Variants in TRHDE observed in about 807,000 individuals in gnomAD.
TRHDE encodes the protein thyrotropin-releasing hormone-degrading ectoenzyme.
Under a neutral mutation model 125.7 loss-of-function variants are expected in TRHDE, and 72 were observed. The ratio of observed to expected loss-of-function variants is 0.57; its 90% CI spans 0.47 to 0.70. TRHDE has a LOEUF of 0.70. Ranked by LOEUF, TRHDE falls within the 30% of genes least tolerant of loss-of-function variation. TRHDE has a pLI of 0.00. For missense variants in TRHDE, 1,110 were observed against 1,327.1 expected (o/e 0.84, Z 2.54); for synonymous variants, 509 against 509.1 (o/e 1.00, Z 0.00).
chr12:72,619,083 A>G (rs1592576161), intron 13 of TRHDE, 45 bp downstream of exon 13: 3 of 1,385,168 alleles, frequency 2.2e-6, no homozygotes, highest in South Asian at 1.6e-5. Flanking sequence ...AAGATACACT[A>G]TTTTATTCTC....
intron 15 of TRHDE, among the ~76,000 whole-genome samples, chr12:72,624,282 C>T (rs981078295): frequency 2.0e-5 from 3 of 151,796 alleles, no homozygotes; most frequent in African/African-American, 7.2e-5. Flanking sequence ...AGCAATAGAC[C>T]AGTAATCCTT....
rs1302553948 is a variant in TRHDE, at chr12:72,143,770, G to GTA, written n.279+38020_279+38021dup. 2.6e-5 allele frequency among the ~76,000 whole-genome samples: 4 copies of GTA among 152,022 alleles called. No individual in the cohort carries two copies. The East Asian group carries it at 7.7e-4, about 29-fold the overall frequency. On this transcript the variant is annotated intron_variant and non_coding_transcript_variant, in intron 2 of 4. Coordinates refer to the TRHDE transcript ENST00000548156. ...GATGGTAGTGATGGCTATGATGTGT[G>GTA]TATGTATAACTAGAGGGTTAGGGAT...
chr12:72,590,782 A>G (rs1592557860), intron 12 of TRHDE, among the ~76,000 whole-genome samples: 1 of 152,218 alleles, frequency 6.6e-6, no homozygotes, highest in East Asian at 1.9e-4. Flanking sequence ...CTGCCTTTTC[A>G]TGAGAATGTT....
At chr12:72,313,248 C>T (rs1414707242) in intron 2 of TRHDE, among the ~76,000 whole-genome samples, 4 of 151,904 alleles carry the variant, frequency 2.6e-5, no homozygotes, top group African/African-American at 9.7e-5. Flanking sequence ...CATTGTAGAA[C>T]ACCTGATAGA....
At chr12:72,198,054 A>T (rs1877479546) in intron 2 of TRHDE, among the ~76,000 whole-genome samples, 1 of 152,150 alleles carries the variant, frequency 6.6e-6, no homozygotes, top group South Asian at 2.1e-4. Context: ...TTATAAATAG[A>T]ATCATATAAT....
Position 72,272,467 on chromosome 12 carries a change from G to T in TRHDE, c.-177G>T. ...CCAGAGTGAGGCGGGGCTGATGGGG[G>T]TCGCGGAAGCTGCCGTCGCTTGTGT... is the stretch of plus-strand genomic sequence containing the variant. On this transcript the variant is annotated 5_prime_UTR_variant, in exon 1 of 19. Coordinates refer to ENST00000261180, the MANE Select transcript of TRHDE (RefSeq NM_013381.3). The surrounding 1 kb of genome is among the most constrained non-coding windows in gnomAD (Gnocchi z 6.7). The T allele has an allele frequency of 2.0e-6, 1 of 505,700 alleles. No homozygotes were observed. The highest frequency in any genetic ancestry group is 3.5e-5 in the East Asian group (1 of 28,950). 31.3% of individuals were successfully genotyped at this position (505,700 alleles called of 1,614,324 possible).
intron 18 of TRHDE, among the ~76,000 whole-genome samples, chr12:72,659,705 T>A (rs1874841545): frequency 6.6e-6 from 1 of 152,150 alleles, no homozygotes; most frequent in South Asian, 2.1e-4. Context: ...GCTAAGAAGA[T>A]AGGGAGCACA....
At chr12:72,606,834 T>A (rs1872465409) in intron 12 of TRHDE, among the ~76,000 whole-genome samples, 1 of 152,178 alleles carries the variant, frequency 6.6e-6, no homozygotes, top group South Asian at 2.1e-4. Flanking sequence ...ATCCAACCTT[T>A]TATACTATTT....
intron 3 of TRHDE, among the ~76,000 whole-genome samples, chr12:72,454,811 T>C (rs1258933970): frequency 1.3e-5 from 2 of 152,202 alleles, no homozygotes; most frequent in Non-Finnish European, 2.9e-5. Context: ...GTGCTGTTGA[T>C]TCATGAACCA....
At chr12:72,213,465 T>C (rs1164159555) in intron 2 of TRHDE, among the ~76,000 whole-genome samples, 2 of 152,140 alleles carry the variant, frequency 1.3e-5, no homozygotes, top group Non-Finnish European at 2.9e-5. Context: ...ATAATACTTA[T>C]TATTATTTTC....
At chr12:72,622,789 G>A (rs536722300) in intron 15 of TRHDE, among the ~76,000 whole-genome samples, 1 of 152,118 alleles carries the variant, frequency 6.6e-6, no homozygotes, top group Admixed American at 6.6e-5. Context: ...TGTTCGAAAG[G>A]TCTCTGTAGG....
At chr12:72,436,037 T>A (rs1265461049) in intron 3 of TRHDE, among the ~76,000 whole-genome samples, 3 of 152,082 alleles carry the variant, frequency 2.0e-5, no homozygotes, top group African/African-American at 7.2e-5. Flanking sequence ...CGACAAAGCC[T>A]TTCTTAAATA....
intron 3 of TRHDE, among the ~76,000 whole-genome samples, chr12:72,419,736 A>G (rs1565734433): frequency 6.6e-6 from 1 of 152,210 alleles, no homozygotes. Context: ...TGTGATTAAG[A>G]AAAATACACT....
chr12:72,481,230 T>A (rs1475037366), intron 5 of TRHDE, among the ~76,000 whole-genome samples: 1 of 151,956 alleles, frequency 6.6e-6, no homozygotes, highest in Non-Finnish European at 1.5e-5. Flanking sequence ...GGGACTTTTC[T>A]TTTTTCTTTT....
rs565386223 is a variant in TRHDE at position 72,492,921 on chromosome 12, A to G, written c.1585-6577A>G. The stretch of plus-strand genomic sequence containing the variant: ...AACATTCTCTCTACTTTCTACTCCC[A>G]CAGTATTTTATACTATTAATAATAC... On this transcript the variant is annotated intron_variant, in intron 5 of 18. Coordinates refer to ENST00000261180, the MANE Select transcript of TRHDE (RefSeq NM_013381.3). Among the ~76,000 whole-genome samples, 10 of 152,008 alleles carry G rather than the reference A, an allele frequency of 6.6e-5. No individual in the cohort carries two copies. In the South Asian group the frequency reaches 2.1e-3, roughly 32 times the overall value.
intron 6 of TRHDE, among the ~76,000 whole-genome samples, chr12:72,517,774 G>A (rs976375640): frequency 4.6e-5 from 7 of 151,094 alleles, no homozygotes; most frequent in African/African-American, 1.5e-4. Flanking sequence ...TTTCTCTTGT[G>A]GGCATTTAGT....
upstream of TRHDE, among the ~76,000 whole-genome samples, chr12:72,269,824 C>A (rs186587495): frequency 6.6e-6 from 1 of 152,086 alleles, no homozygotes; most frequent in Admixed American, 6.5e-5. Flanking sequence ...CAAATTTGTA[C>A]ACATTTTTAA....
At chr12:72,176,650 T>A (rs1876995349) in intron 2 of TRHDE, among the ~76,000 whole-genome samples, 1 of 152,228 alleles carries the variant, frequency 6.6e-6, no homozygotes, top group South Asian at 2.1e-4. Flanking sequence ...TAGCCGATGT[T>A]ATCTTAGAAT....
At chr12:72,149,574 A>G (rs1159131394) in intron 2 of TRHDE, among the ~76,000 whole-genome samples, 2 of 152,146 alleles carry the variant, frequency 1.3e-5, no homozygotes, top group Non-Finnish European at 2.9e-5. Context: ...ATTTACAGAA[A>G]AGAACACTCA....
Sources: gnomAD v4.1 joint callset for allele counts (sites outside exome capture counted in the v4.1 genomes callset) on GRCh38, gnomAD v4.1.1 for gene constraint, Gnocchi (gnomAD v3.1) non-coding constraint, MANE v1.5 for transcripts, NCBI Gene and HGNC (gene_info 2026-07-23, HGNC 2026-07-21) for gene names.